Variants in GRAMD2B observed in about 807,000 individuals in gnomAD.
The protein encoded by GRAMD2B is GRAM domain containing 2B.
A neutral mutation model predicts 59.2 loss-of-function variants in GRAMD2B; 41 were observed. The ratio of observed to expected loss-of-function variants is 0.69; its 90% CI spans 0.54 to 0.90. The LOEUF is 0.90. Ranked by LOEUF, GRAMD2B falls within the 40% of genes least tolerant of loss-of-function variation. The pLI is 0.00. For synonymous variants in GRAMD2B, 161 were observed against 182.7 expected (o/e 0.88, Z 0.96); for missense variants, 424 against 500.5 (o/e 0.85, Z 1.46).
intron 1 of GRAMD2B, among the ~76,000 whole-genome samples, chr5:126,383,165 T>C (rs1755808437): frequency 6.6e-6 from 1 of 152,226 alleles, no homozygotes; most frequent in African/African-American, 2.4e-5. Flanking sequence ...GACATTTATT[T>C]TGGATGAATT....
upstream of GRAMD2B, among the ~76,000 whole-genome samples, chr5:126,422,780 T>C (rs1759878370): frequency 1.3e-5 from 2 of 152,142 alleles, no homozygotes; most frequent in African/African-American, 4.8e-5. Context: ...GCATAGTAAA[T>C]AAGGTACTTG....
At chr5:126,484,879 C>A (rs559221615) in intron 10 of GRAMD2B, among the ~76,000 whole-genome samples, 1 of 152,138 alleles carries the variant, frequency 6.6e-6, no homozygotes. Flanking sequence ...CCACCATGCC[C>A]GGCCTATTTG....
chr5:126,372,100 A>G (rs1012487927), intron 1 of GRAMD2B, among the ~76,000 whole-genome samples: 8 of 152,188 alleles, frequency 5.3e-5, no homozygotes, highest in African/African-American at 9.6e-5. Flanking sequence ...CATTTTAGCT[A>G]TAAACTCATC....
intron 1 of GRAMD2B, among the ~76,000 whole-genome samples, chr5:126,464,229 G>C (rs765825256): frequency 2.0e-5 from 3 of 152,184 alleles, no homozygotes; most frequent in Non-Finnish European, 4.4e-5. Context: ...GTCATATGCA[G>C]GTGAGACTAC....
At chr5:126,398,007 G>A (rs1037665031) in intron 1 of GRAMD2B, among the ~76,000 whole-genome samples, 7 of 144,732 alleles carry the variant, frequency 4.8e-5, no homozygotes, top group Admixed American at 1.4e-4. Context: ...ATGTTTTTTC[G>A]TTGTTGGGAG....
At chr5:126,442,360 G>T (rs1009980878) in intron 1 of GRAMD2B, among the ~76,000 whole-genome samples, 4 of 150,798 alleles carry the variant, frequency 2.7e-5, no homozygotes, top group African/African-American at 9.8e-5. Flanking sequence ...GTGTGATGTG[G>T]GCTCACTGCA....
intron 1 of GRAMD2B, among the ~76,000 whole-genome samples, chr5:126,457,191 C>CAAAAAA (rs559904336): frequency 5.8e-4 from 37 of 63,982 alleles, no homozygotes; most frequent in African/African-American, 1.8e-3. Flanking sequence ...GACTCCGTCT[C>CAAAAAA]AAAAAAAAAA....
At chr5:126,360,810 A>G (rs1461580397) in intron 1 of GRAMD2B, among the ~76,000 whole-genome samples, 4 of 152,088 alleles carry the variant, frequency 2.6e-5, no homozygotes, top group Non-Finnish European at 5.9e-5. Context: ...TACAGTTGCA[A>G]TCTAAGACTC....
chr5:126,373,890 A>G (rs769489391), intron 1 of GRAMD2B, among the ~76,000 whole-genome samples: 1 of 152,204 alleles, frequency 6.6e-6, no homozygotes, highest in East Asian at 1.9e-4. Flanking sequence ...AATCAGAGAG[A>G]TAAACAGATG....
chr5:126,470,713 C>T (rs1769397274), intron 3 of GRAMD2B, among the ~76,000 whole-genome samples: 2 of 152,040 alleles, frequency 1.3e-5, no homozygotes, highest in Non-Finnish European at 2.9e-5. Context: ...TGTGCACCAC[C>T]ACACCCAGCT....
Position 126,473,207 on chromosome 5 carries a change from C to T in GRAMD2B, c.383-58C>T, listed in dbSNP as rs1021514338. The stretch of plus-strand genomic sequence containing the variant: ...TCCTTGAGTCACCAAAATATATACA[C>T]GGTTTTTATTTTAAGTGGAAATTCT... On this transcript the variant is annotated intron_variant, in intron 4 of 13. Coordinates refer to ENST00000285689, the MANE Select transcript of GRAMD2B (RefSeq NM_023927.4). 33 of 619,946 alleles carry T rather than the reference C, an allele frequency of 5.3e-5. 1 individual carries two copies. Among genetic ancestry groups the T allele is most frequent in the Admixed American group, 3.5e-4 (11 of 31,856 alleles). The allele number at this position is 619,946 out of a possible 1,614,324, so 38.4% of individuals were successfully genotyped here. A position where few individuals can be genotyped will look rare whatever the true frequency, so the allele number is the denominator to read the frequency against.
intron 1 of GRAMD2B, among the ~76,000 whole-genome samples, chr5:126,414,174 C>T (rs553839085): frequency 9.3e-4 from 142 of 152,248 alleles, no homozygotes; most frequent in Middle Eastern, 6.8e-3. Flanking sequence ...ACTATTCCCA[C>T]CAGCTCTCAT....
chr5:126,431,082 G>T (rs1445179476), intron 1 of GRAMD2B, among the ~76,000 whole-genome samples: 4 of 152,088 alleles, frequency 2.6e-5, no homozygotes, highest in African/African-American at 9.7e-5. Flanking sequence ...CCACCTTATA[G>T]TTCCTTGTCT....
intron 1 of GRAMD2B, among the ~76,000 whole-genome samples, chr5:126,448,005 A>ATG (rs1764666030): frequency 6.6e-6 from 1 of 151,102 alleles, no homozygotes; most frequent in Admixed American, 6.6e-5. Flanking sequence ...GATTACAGGC[A>ATG]TGCACCACCA....
intron 1 of GRAMD2B, among the ~76,000 whole-genome samples, chr5:126,407,473 G>T (rs940854356): frequency 4.6e-5 from 7 of 151,926 alleles, no homozygotes; most frequent in African/African-American, 1.7e-4. Context: ...AGAGCGTTCG[G>T]GGTGGCAAAA....
chr5:126,470,944 G>A (rs149700922), intron 3 of GRAMD2B, among the ~76,000 whole-genome samples: 7 of 152,256 alleles, frequency 4.6e-5, no homozygotes, highest in Non-Finnish European at 1.0e-4. Flanking sequence ...TTATGGCCTA[G>A]CATATTTTAA....
intron 1 of GRAMD2B, among the ~76,000 whole-genome samples, chr5:126,456,834 TG>T (rs2126720171): frequency 6.6e-6 from 1 of 152,322 alleles, no homozygotes; most frequent in African/African-American, 2.4e-5. Context: ...CCTCCCCCTT[TG>T]TTTTTTCTTT....
chr5:126,472,598 G>A (rs919479499), intron 4 of GRAMD2B, among the ~76,000 whole-genome samples: 8 of 152,162 alleles, frequency 5.3e-5, no homozygotes, highest in Non-Finnish European at 1.0e-4. Context: ...ATTGCTTTAA[G>A]ATTTAGGATA....
chr5:126,436,846 G>A (rs1313390581), intron 1 of GRAMD2B, among the ~76,000 whole-genome samples: 1 of 152,048 alleles, frequency 6.6e-6, no homozygotes, highest in East Asian at 1.9e-4. Context: ...TTTTGAAGGA[G>A]GAATAGGAGT....
Sources: allele counts gnomAD v4.1 joint callset (sites outside exome capture counted in the v4.1 genomes callset), GRCh38; gene constraint gnomAD v4.1.1; transcripts MANE v1.5; gene names NCBI Gene and HGNC (gene_info 2026-07-23, HGNC 2026-07-21).